TNKS2: variants seen among roughly 807,000 people sequenced by gnomAD.
The protein encoded by TNKS2 is poly [ADP-ribose] polymerase tankyrase-2.
Under a neutral mutation model 137.6 loss-of-function variants are expected in TNKS2, and 72 were observed. The ratio of observed to expected loss-of-function variants is 0.52; its 90% CI spans 0.43 to 0.64. The LOEUF (loss-of-function observed/expected upper bound fraction) is 0.64. TNKS2 is among the 30% of genes least tolerant of loss of function. The probability of loss-of-function intolerance (pLI) is 0.00; values close to 1 mark genes in which losing one functional copy is unlikely to be tolerated. For synonymous variants in TNKS2, 516 were observed against 512.1 expected (o/e 1.01, Z -0.10); for missense variants, 1,049 against 1,410.2 (o/e 0.74, Z 4.10).
chr10:91,861,686 C>G (rs1842855189), intron 25 of TNKS2, among the ~76,000 whole-genome samples: 1 of 152,172 alleles, frequency 6.6e-6, no homozygotes, highest in African/African-American at 2.4e-5. Flanking sequence ...ACTAAACCTT[C>G]TCCTTCCCAC....
chr10:91,819,126 A>G (rs970384780), intron 3 of TNKS2, 144 bp from the exon 4 acceptor site: 2 of 525,004 alleles, frequency 3.8e-6, no homozygotes, highest in Non-Finnish European at 6.6e-6. Context: ...AAACTACACA[A>G]TATTCTGTTA....
rs1218851334 is a variant in TNKS2, at chr10:91,848,579, C to T, written c.2555C>T (p.Ser852Phe). 1.9e-6 allele frequency: 3 copies of T among 1,614,114 alleles called. No homozygotes were observed. The highest frequency in any genetic ancestry group is 1.1e-5 in the South Asian group (1 of 91,084). The change falls in exon 19 of 27, where the codon TCT (serine) becomes TTT (phenylalanine). Residue 852 changes from serine (S) to phenylalanine (F), a missense_variant. Physicochemically the swap from Ser to Phe is radical, Grantham distance 155 (BLOSUM62 -2). Around this residue, in one of 6 missense-constraint regions of TNKS2, gnomAD observed 208 missense variants for 231.2 expected, o/e 0.90. Transcript: ENST00000371627. The part of the protein sequence containing the change: ...DNLSGSFSEL[S>F]SVVSSSGTEG... ...TTATCTGGGAGTTTTTCAGAACTGTCTTCAGTAGTTAGTTCAAGTGGAACA... is the reference window on the plus strand; with the variant it reads ...TTATCTGGGAGTTTTTCAGAACTGTTTTCAGTAGTTAGTTCAAGTGGAACA...
At chr10:91,852,235 AT>A (rs1383113581) in intron 21 of TNKS2, among the ~76,000 whole-genome samples, 3 of 150,856 alleles carry the variant, frequency 2.0e-5, no homozygotes, top group African/African-American at 4.9e-5. Flanking sequence ...CTCAAAAAAA[AT>A]AAATAAATAA....
At chr10:91,802,722 T>C (rs1308230154) in intron 1 of TNKS2, among the ~76,000 whole-genome samples, 2 of 152,254 alleles carry the variant, frequency 1.3e-5, no homozygotes, top group African/African-American at 4.8e-5. Flanking sequence ...TTTTCTTCTT[T>C]GGCTGTAGGC....
intron 1 of TNKS2, among the ~76,000 whole-genome samples, chr10:91,799,626 A>T (rs909824632): frequency 3.3e-5 from 5 of 152,234 alleles, no homozygotes; most frequent in Non-Finnish European, 7.3e-5. Context: ...GATCGTTTGA[A>T]TTACATTATT....
intron 2 of TNKS2, among the ~76,000 whole-genome samples, chr10:91,814,101 A>T (rs899783503): frequency 2.6e-5 from 4 of 152,168 alleles, no homozygotes; most frequent in Non-Finnish European, 1.5e-5. Context: ...AGAAGAAGAC[A>T]TTATTATAGG....
intron 1 of TNKS2, among the ~76,000 whole-genome samples, chr10:91,807,957 C>CT (rs1018119191): frequency 2.2e-4 from 33 of 148,358 alleles, no homozygotes; most frequent in African/African-American, 7.8e-4. Flanking sequence ...GATTGGGCCA[C>CT]TGCACTTCAG....
Position 91,798,487 on chromosome 10 carries a change from C to CG in TNKS2, c.-200dup, listed in dbSNP as rs1844036937. The CG allele has an allele frequency of 2.1e-6, 1 of 468,202 alleles. No homozygotes were observed. Among genetic ancestry groups the CG allele is most frequent in the Admixed American group, 4.9e-5 (1 of 20,298 alleles). 29.0% of individuals were successfully genotyped at this position (468,202 alleles called of 1,614,324 possible). ...CGGATTCGCGCTGCCTCCGCCGCCG[C>CG]GGGGCAGCCGGGGGGCAGGGAGCCC... is the stretch of plus-strand genomic sequence containing the variant. On this transcript the variant is annotated 5_prime_UTR_variant, in exon 1 of 27. Coordinates refer to ENST00000371627, the MANE Select transcript of TNKS2 (RefSeq NM_025235.4).
At position 91,822,368 on chromosome 10, in the gene TNKS2, T is replaced by C; in HGVS notation, c.795+6T>C. 6.2e-7 allele frequency: 1 copy of C among 1,607,360 alleles called. No individual in the cohort carries two copies. The highest frequency in any genetic ancestry group is 8.5e-7 in the Non-Finnish European group (1 of 1,174,088). On this transcript the variant is annotated splice_donor_region_variant and intron_variant, in intron 7 of 26. Transcript: ENST00000371627. ...TAACTGAACTTTTGGTCAAGGTTAGTGCTCTTGTACTCTCCTAATTACTTT... is the reference window on the plus strand; with the variant it reads ...TAACTGAACTTTTGGTCAAGGTTAGCGCTCTTGTACTCTCCTAATTACTTT...
chr10:91,798,690 C>T lies in TNKS2; in HGVS notation c.-1C>T, dbSNP rs1351119129. The T allele has an allele frequency of 2.4e-6, 3 of 1,229,304 alleles. No homozygotes were observed. Among genetic ancestry groups the T allele is most frequent in the African/African-American group, 1.6e-5 (1 of 63,818 alleles). The allele number at this position is 1,229,304 out of a possible 1,614,324, so 76.1% of individuals were successfully genotyped here. On this transcript the variant is annotated 5_prime_UTR_variant, in exon 1 of 27. Transcript: ENST00000371627. ...TGCTGGCTGTGGCGGCGGCCAGGAT[C>T]ATGTCGGGTCGCCGCTGCGCCGGCG...
intron 12 of TNKS2, among the ~76,000 whole-genome samples, chr10:91,835,196 GA>G (rs58494569): frequency 4.5e-4 from 68 of 151,258 alleles, no homozygotes; most frequent in Non-Finnish European, 7.2e-4. Context: ...CTAGCAGATG[GA>G]AAAAAAATGA....
intron 1 of TNKS2, among the ~76,000 whole-genome samples, chr10:91,800,772 C>T (rs1012317225): frequency 4.6e-5 from 7 of 152,106 alleles, no homozygotes; most frequent in Non-Finnish European, 7.4e-5. Context: ...ATATAAGAAA[C>T]TTTTTTAAAA....
intron 6 of TNKS2, 143 bp downstream of exon 6, chr10:91,820,176 C>T (rs1165784752): frequency 1.3e-5 from 6 of 463,896 alleles, no homozygotes; most frequent in South Asian, 6.5e-5. Flanking sequence ...GCTCTGAGGG[C>T]GCAGGAAATT....
chr10:91,835,285 C>CTT (rs558797252), intron 12 of TNKS2, among the ~76,000 whole-genome samples: 7 of 140,366 alleles, frequency 5.0e-5, no homozygotes, highest in South Asian at 2.2e-4. Flanking sequence ...TCTTTTTTTT[C>CTT]TTTTTTTTTT....
At position 91,849,589 on chromosome 10, in the gene TNKS2, G is replaced by C. The variant is rs769405326; in HGVS notation, c.2689G>C (p.Glu897Gln). Residue 897 changes from glutamate to glutamine, a missense_variant, in exon 20 of 27, where the codon GAA (glutamate) becomes CAA (glutamine). By Grantham distance (29) the Glu-to-Gln change is conservative (BLOSUM62 2). Transcript: ENST00000371627. ...LEHLMDIFER[E>Q]QITLDVLVEM... ...GCACCTAATGGATATATTTGAGAGA[G>C]AACAGGTGAGTAGATAAATCATATT... is the stretch of plus-strand genomic sequence containing the variant. The C allele has an allele frequency of 6.2e-7, 1 of 1,604,040 alleles. No individual in the cohort carries two copies.
intron 25 of TNKS2, among the ~76,000 whole-genome samples, chr10:91,860,394 TCA>T (rs1842821723): frequency 6.6e-6 from 1 of 152,188 alleles, no homozygotes; most frequent in Non-Finnish European, 1.5e-5. Flanking sequence ...CTTGTTTAAA[TCA>T]CAGATTCTTA....
chr10:91,809,854 T>G (rs1253693268), intron 1 of TNKS2, among the ~76,000 whole-genome samples: 1 of 152,164 alleles, frequency 6.6e-6, no homozygotes, highest in Non-Finnish European at 1.5e-5. Flanking sequence ...CACATCATTC[T>G]GTAACTAATG....
intron 2 of TNKS2, 21 bp downstream of exon 2, chr10:91,813,228 G>A (rs1010748918): frequency 1.9e-6 from 3 of 1,586,792 alleles, no homozygotes; most frequent in Non-Finnish European, 2.6e-6. Flanking sequence ...TTACTTTTCC[G>A]ACTTTTACTA....
At chr10:91,815,403 C>T (rs925446481) in intron 2 of TNKS2, among the ~76,000 whole-genome samples, 7 of 152,180 alleles carry the variant, frequency 4.6e-5, no homozygotes, top group Non-Finnish European at 8.8e-5. Flanking sequence ...CATTCAAATA[C>T]ATCATTTTTA....
Sources: allele counts gnomAD v4.1 joint callset (sites outside exome capture counted in the v4.1 genomes callset), GRCh38; gene constraint gnomAD v4.1.1; regional missense constraint gnomAD v4.1.1; transcripts MANE v1.5; gene names NCBI Gene and HGNC (gene_info 2026-07-23, HGNC 2026-07-21).